Variants in CNTN4 observed in about 807,000 individuals in gnomAD.
CNTN4 encodes the protein contactin 4.
A neutral mutation model predicts 122.5 loss-of-function variants in CNTN4; 77 were observed. The observed-to-expected ratio is 0.63, with a 90% confidence interval of 0.52 to 0.76. The LOEUF (loss-of-function observed/expected upper bound fraction) is 0.76, where lower values mean the gene tolerates loss of function less well. Ranked by LOEUF, CNTN4 falls within the 30% of genes least tolerant of loss-of-function variation. The pLI is 0.00. For missense variants in CNTN4, 1,256 were observed against 1,259.1 expected (o/e 1.00, Z 0.04); for synonymous variants, 512 against 447.0 (o/e 1.15, Z -1.83).
At chr3:2,101,800 T>C (rs953411277) in intron 2 of CNTN4, among the ~76,000 whole-genome samples, 1 of 152,166 alleles carries the variant, frequency 6.6e-6, no homozygotes, top group African/African-American at 2.4e-5. Flanking sequence ...AATTATGAAA[T>C]AGAAGGTCTC....
chr3:2,718,455 C>A (rs9310831), intron 4 of CNTN4, among the ~76,000 whole-genome samples: 2 of 152,036 alleles, frequency 1.3e-5, no homozygotes, highest in Non-Finnish European at 2.9e-5. Context: ...TCAGATCCTA[C>A]TTCAGGATGC....
At chr3:2,823,884 A>C (rs1267888019) in intron 7 of CNTN4, among the ~76,000 whole-genome samples, 1 of 152,136 alleles carries the variant, frequency 6.6e-6, no homozygotes, top group African/African-American at 2.4e-5. Flanking sequence ...CATTGGCCTC[A>C]CCTGGAAATT....
chr3:2,983,213 CAAAAAAAAAAAAAAAAAAAAAAAAAAA>C (rs57079892), intron 13 of CNTN4, among the ~76,000 whole-genome samples: 8 of 18,990 alleles, frequency 4.2e-4, no homozygotes, highest in South Asian at 6.3e-3. Context: ...GACTCCATCT[CAAAAAAAAAAAAAAAAAAAAAAAAAAA>C]AAAAAAAAAA....
At chr3:2,915,675 A>G (rs1473267500) in intron 12 of CNTN4, among the ~76,000 whole-genome samples, 2 of 152,244 alleles carry the variant, frequency 1.3e-5, no homozygotes, top group African/African-American at 2.4e-5. Flanking sequence ...GAATTACCAT[A>G]TAATCTGGCA....
intron 4 of CNTN4, among the ~76,000 whole-genome samples, chr3:2,671,756 C>T (rs190543643): frequency 5.9e-5 from 9 of 152,178 alleles, no homozygotes; most frequent in Middle Eastern, 3.4e-3. Context: ...TGGTGACATA[C>T]GACATACAGA....
intron 4 of CNTN4, among the ~76,000 whole-genome samples, chr3:2,651,754 G>A (rs1301405328): frequency 6.6e-6 from 1 of 150,512 alleles, no homozygotes; most frequent in East Asian, 2.0e-4. Flanking sequence ...CCAGGCTAGA[G>A]GGCAGTGGTG....
intron 4 of CNTN4, among the ~76,000 whole-genome samples, chr3:2,609,326 G>C (rs1343976330): frequency 6.6e-6 from 1 of 152,198 alleles, no homozygotes; most frequent in Non-Finnish European, 1.5e-5. Context: ...CACCATGTGA[G>C]GACACGGTAT....
chr3:2,496,073 T>C (rs1341569033), intron 3 of CNTN4, among the ~76,000 whole-genome samples: 1 of 152,196 alleles, frequency 6.6e-6, no homozygotes, highest in Non-Finnish European at 1.5e-5. Context: ...ACCTGGGAGA[T>C]ATCAGTTGTC....
At chr3:2,870,077 G>C (rs532309952) in intron 8 of CNTN4, among the ~76,000 whole-genome samples, 2 of 152,284 alleles carry the variant, frequency 1.3e-5, no homozygotes, top group Admixed American at 1.3e-4. Flanking sequence ...GATATACTGT[G>C]ACATAGCCAG....
intron 6 of CNTN4, among the ~76,000 whole-genome samples, chr3:2,776,011 A>T (rs2091300470): frequency 6.6e-6 from 1 of 152,150 alleles, no homozygotes; most frequent in African/African-American, 2.4e-5. Context: ...ATACATACTT[A>T]TGTCATAGCA....
chr3:2,416,209 T>C (rs957919158), intron 3 of CNTN4, among the ~76,000 whole-genome samples: 4 of 152,172 alleles, frequency 2.6e-5, no homozygotes, highest in African/African-American at 9.7e-5. Flanking sequence ...GATCATTCCA[T>C]ATCACAGGCC....
At chr3:2,563,010 G>C (rs1479119056) in intron 3 of CNTN4, among the ~76,000 whole-genome samples, 1 of 152,224 alleles carries the variant, frequency 6.6e-6, no homozygotes, top group South Asian at 2.1e-4. Context: ...TTATAGGTGT[G>C]AGCCACTGTG....
At chr3:3,000,724 TC>T (rs1207028509) in intron 14 of CNTN4, among the ~76,000 whole-genome samples, 1 of 152,138 alleles carries the variant, frequency 6.6e-6, no homozygotes, top group Non-Finnish European at 1.5e-5. Context: ...GACTCATATA[TC>T]CCACCCAACT....
intron 2 of CNTN4, among the ~76,000 whole-genome samples, chr3:2,147,800 C>G (rs2035314319): frequency 6.6e-6 from 1 of 152,176 alleles, no homozygotes. Context: ...CTGCTTTGAT[C>G]AGACAAGATG....
At chr3:2,655,557 A>T (rs1438044750) in intron 4 of CNTN4, among the ~76,000 whole-genome samples, 3 of 152,190 alleles carry the variant, frequency 2.0e-5, no homozygotes, top group African/African-American at 7.2e-5. Flanking sequence ...CCTGTATTCT[A>T]GCATGCAGGG....
At chr3:2,337,430 G>C in intron 2 of CNTN4, among the ~76,000 whole-genome samples, 1 of 152,048 alleles carries the variant, frequency 6.6e-6, no homozygotes, top group East Asian at 1.9e-4. Context: ...GCTACTAGTG[G>C]ATACTATAAC....
At chr3:2,381,625 A>G (rs2046026859) in intron 3 of CNTN4, among the ~76,000 whole-genome samples, 2 of 152,198 alleles carry the variant, frequency 1.3e-5, no homozygotes, top group East Asian at 3.8e-4. Flanking sequence ...CTAAGTCTGT[A>G]GGTTAAGATG....
intron 2 of CNTN4, among the ~76,000 whole-genome samples, chr3:2,156,188 C>T (rs1393744551): frequency 6.6e-6 from 1 of 152,142 alleles, no homozygotes; most frequent in Non-Finnish European, 1.5e-5. Context: ...TGGTAGGTGC[C>T]AGAGCCGTTC....
chr3:2,202,996 T>TA (rs2038170579), intron 2 of CNTN4, among the ~76,000 whole-genome samples: 1 of 151,410 alleles, frequency 6.6e-6, no homozygotes, highest in African/African-American at 2.4e-5. Flanking sequence ...TAATTATTTT[T>TA]TTTTTTTTTG....
Sources: allele counts gnomAD v4.1 joint callset (sites outside exome capture counted in the v4.1 genomes callset), GRCh38; gene constraint gnomAD v4.1.1; transcripts MANE v1.5; gene names NCBI Gene and HGNC (gene_info 2026-07-23, HGNC 2026-07-21).